KDM2A: variants seen among roughly 807,000 people sequenced by gnomAD.
The protein encoded by KDM2A is lysine-specific demethylase 2A.
A neutral mutation model predicts 137.3 loss-of-function variants in KDM2A; 3 were observed. The observed-to-expected ratio is 0.02, with a 90% CI of 0.01 to 0.06. The LOEUF (loss-of-function observed/expected upper bound fraction) is 0.06. KDM2A is among the 10% of genes least tolerant of loss of function. The pLI, the probability that KDM2A is intolerant of heterozygous loss-of-function variation, is 1.00. For synonymous variants in KDM2A, 512 were observed against 541.5 expected (o/e 0.95, Z 0.76); for missense variants, 738 against 1,510.6 (o/e 0.49, Z 8.48).
intron 2 of KDM2A, among the ~76,000 whole-genome samples, chr11:67,152,609 A>G (rs909811138): frequency 3.4e-5 from 5 of 148,138 alleles, no homozygotes; most frequent in African/African-American, 7.4e-5. Flanking sequence ...CCCTGTTACA[A>G]AAAAAAAAAA....
intron 10 of KDM2A, among the ~76,000 whole-genome samples, chr11:67,225,600 G>GAT (rs1296108630): frequency 6.6e-6 from 1 of 151,848 alleles, no homozygotes; most frequent in East Asian, 1.9e-4. Flanking sequence ...GAGAAGGCGT[G>GAT]TTTCTACTAA....
intron 2 of KDM2A, among the ~76,000 whole-genome samples, chr11:67,170,046 A>G (rs181514032): frequency 4.3e-4 from 66 of 152,190 alleles, no homozygotes; most frequent in African/African-American, 1.4e-3. Context: ...GTGAGTCACC[A>G]TGCCTGGCCC....
At position 67,257,246 on chromosome 11, in the gene KDM2A, T is replaced by G. The variant is rs1228492319; in HGVS notation, c.*2191T>G. 1 of 152,520 alleles carries G rather than the reference T, an allele frequency of 6.6e-6. No individual in the cohort carries two copies. Among genetic ancestry groups the G allele is most frequent in the Non-Finnish European group, 1.5e-5 (1 of 68,016 alleles). The allele number at this position is 152,520 out of a possible 1,614,324, so 9.4% of individuals were successfully genotyped here. ...TTTGGGTTTTGGTTTTTATGTTTGTTTTTTGGGGTTTGGAAAAACATGCAT... is the reference window on the plus strand; with the variant it reads ...TTTGGGTTTTGGTTTTTATGTTTGTGTTTTGGGGTTTGGAAAAACATGCAT... On this transcript the variant is annotated 3_prime_UTR_variant, in exon 21 of 21. Transcript: ENST00000529006.
intron 2 of KDM2A, among the ~76,000 whole-genome samples, chr11:67,152,329 C>G (rs1590727272): frequency 6.7e-6 from 1 of 149,934 alleles, no homozygotes. Flanking sequence ...AAATTAATTT[C>G]CCTGGGTTGG....
At chr11:67,244,952 T>G in intron 13 of KDM2A, 1 of 469,872 alleles carries the variant, frequency 2.1e-6, no homozygotes, top group Non-Finnish European at 3.8e-6. Flanking sequence ...TGCCACTGTA[T>G]TCCAGCCTGG....
chr11:67,167,525 T>C (rs2136322147), intron 2 of KDM2A, among the ~76,000 whole-genome samples: 1 of 152,314 alleles, frequency 6.6e-6, no homozygotes, highest in African/African-American at 2.4e-5. Context: ...GGGGAACTTT[T>C]TAGGGAATAG....
At chr11:67,217,938 A>G in intron 9 of KDM2A, 54 bp downstream of exon 9, 6 of 1,440,948 alleles carry the variant, frequency 4.2e-6, no homozygotes, top group Middle Eastern at 1.8e-4. Context: ...TTAATGAAAA[A>G]GAAATTGATG....
chr11:67,195,885 G>A (rs1029807475), intron 5 of KDM2A: 19 of 330,728 alleles, frequency 5.7e-5, no homozygotes, highest in South Asian at 3.1e-4. Context: ...TTTATAACCA[G>A]TTCTCAATAG....
At chr11:67,167,657 G>A (rs1226051573) in intron 2 of KDM2A, among the ~76,000 whole-genome samples, 1 of 151,220 alleles carries the variant, frequency 6.6e-6, no homozygotes, top group Admixed American at 6.6e-5. Flanking sequence ...GTACGCATAA[G>A]CTTCCTGCTA....
chr11:67,148,850 G>T (rs1291073847), intron 2 of KDM2A, among the ~76,000 whole-genome samples: 1 of 151,994 alleles, frequency 6.6e-6, no homozygotes, highest in Non-Finnish European at 1.5e-5. Flanking sequence ...ACCCTAAAGT[G>T]CGATTCAGCT....
At chr11:67,198,366 G>A (rs1157787128) in intron 5 of KDM2A, among the ~76,000 whole-genome samples, 1 of 151,304 alleles carries the variant, frequency 6.6e-6, no homozygotes, top group African/African-American at 2.4e-5. Flanking sequence ...CCTTCATTGA[G>A]CAAGTCTGTA....
chr11:67,205,069 G>A (rs565225505), intron 5 of KDM2A, among the ~76,000 whole-genome samples: 1 of 152,224 alleles, frequency 6.6e-6, no homozygotes, highest in South Asian at 2.1e-4. Flanking sequence ...GTTTATTGAG[G>A]AACTGCAAAT....
chr11:67,241,161 G>C (rs918310163), intron 12 of KDM2A, among the ~76,000 whole-genome samples: 1 of 152,134 alleles, frequency 6.6e-6, no homozygotes, highest in African/African-American at 2.4e-5. Context: ...GTGCGAAGTG[G>C]GGGAGGGGAG....
chr11:67,156,641 C>T (rs1229526414), intron 2 of KDM2A, among the ~76,000 whole-genome samples: 1 of 150,818 alleles, frequency 6.6e-6, no homozygotes, highest in Non-Finnish European at 1.5e-5. Context: ...ATGGCGTGAA[C>T]CCGGGAGGCT....
intron 5 of KDM2A, among the ~76,000 whole-genome samples, chr11:67,189,787 C>T (rs1857304058): frequency 6.6e-6 from 1 of 152,038 alleles, no homozygotes; most frequent in Non-Finnish European, 1.5e-5. Flanking sequence ...TTGCAGTGAG[C>T]CAAGATCGCA....
At chr11:67,122,264 AG>A (rs1855613478) in intron 2 of KDM2A, among the ~76,000 whole-genome samples, 2 of 152,202 alleles carry the variant, frequency 1.3e-5, no homozygotes, top group South Asian at 4.1e-4. Context: ...TAGGAGAAAA[AG>A]AATGGTTCTC....
intron 2 of KDM2A, among the ~76,000 whole-genome samples, chr11:67,129,537 A>G (rs891975465): frequency 7.9e-5 from 12 of 152,092 alleles, no homozygotes; most frequent in Non-Finnish European, 7.4e-5. Flanking sequence ...GATCGAGACC[A>G]TCCTGGCTAA....
At chr11:67,121,421 A>C (rs774024462) in intron 2 of KDM2A, 63 bp downstream of exon 2, 8 of 1,488,284 alleles carry the variant, frequency 5.4e-6, no homozygotes, top group Non-Finnish European at 7.5e-6. Context: ...TTTTGTTTCC[A>C]GTTGTGAATA....
rs1859543288 is a variant in KDM2A, at chr11:67,254,620, T to A, written c.3307+202T>A. 3.1e-6 allele frequency: 2 copies of A among 640,270 alleles called. No homozygotes were observed. The highest frequency in any genetic ancestry group is 2.8e-5 in the Admixed American group (1 of 35,882). The allele number at this position is 640,270 out of a possible 1,614,324, so 39.7% of individuals were successfully genotyped here. A position where few individuals can be genotyped will look rare whatever the true frequency, so the allele number is the denominator to read the frequency against. On this transcript the variant is annotated intron_variant, in intron 20 of 20. Coordinates refer to ENST00000529006, the MANE Select transcript of KDM2A (RefSeq NM_012308.3). This position sits in a 1 kb window ranked among gnomAD's most constrained non-coding sequence, Gnocchi z 4.7. ...GCCTTGAGTAGTTAAGTCGGTTGCC[T>A]GTCTGCGCAGCCAACATCCAGCTGG...
Sources: allele counts gnomAD v4.1 joint callset (sites outside exome capture counted in the v4.1 genomes callset), GRCh38; gene constraint gnomAD v4.1.1; non-coding constraint Gnocchi (gnomAD v3.1); transcripts MANE v1.5; gene names NCBI Gene and HGNC (gene_info 2026-07-23, HGNC 2026-07-21).